CACNG8: variants seen among roughly 807,000 people sequenced by gnomAD.
CACNG8 encodes the protein voltage-dependent calcium channel gamma-8 subunit.
CACNG8 carries 5 observed loss-of-function variants against 26.9 expected under a neutral mutation model. That is an observed-to-expected ratio of 0.19 (90% confidence interval 0.10 to 0.39). CACNG8 has a LOEUF of 0.39. Ranked by LOEUF, CACNG8 falls within the 10% of genes least tolerant of loss-of-function variation. The pLI is 1.00. For synonymous variants in CACNG8, 321 were observed against 296.7 expected (o/e 1.08, Z -0.84); for missense variants, 473 against 609.4 (o/e 0.78, Z 2.36).
intron 1 of CACNG8, among the ~76,000 whole-genome samples, chr19:53,977,053 C>A (rs1161269587): frequency 1.4e-4 from 22 of 152,224 alleles, no homozygotes; most frequent in Admixed American, 1.4e-3. Context: ...ATCGGACTCC[C>A]ATGCCCTACC....
rs1305368809 is a variant in CACNG8, at chr19:53,982,722, T to C, written c.1151T>C (p.Val384Ala). ...GCGGGCGGCGGCGTCACGGTCACGG[T>C]CACCGGGCCGCCCGCCCCGCCCGCG... Residue 384 changes from valine (V) to alanine (A), a missense_variant, in exon 4 of 4, where the codon GTC becomes GCC. Val to Ala is a moderately conservative substitution (Grantham distance 64, BLOSUM62 0). This residue lies in a region of CACNG8 where 212 missense variants were observed against 214.4 expected (regional missense o/e 0.99). Coordinates refer to ENST00000270458, the MANE Select transcript of CACNG8 (RefSeq NM_031895.6). This position sits in a 1 kb window ranked among gnomAD's most constrained non-coding sequence, Gnocchi z 8.4. 1.1e-5 allele frequency: 13 copies of C among 1,174,264 alleles called. No individual in the cohort carries two copies. The highest frequency in any genetic ancestry group is 1.4e-5 in the Non-Finnish European group (13 of 957,118). 72.7% of individuals were successfully genotyped at this position (1,174,264 alleles called of 1,614,324 possible).
Position 53,987,087 on chromosome 19 carries a change from GAA to G in CACNG8, c.*4242_*4243del, listed in dbSNP as rs1157167416. On this transcript the variant is annotated 3_prime_UTR_variant, in exon 4 of 4. Transcript: ENST00000270458. ...TTATTTTCTTATTTATATTTATTTTGAAAAAGAGTCTTGCTCTGTCTCAGGCT... is the reference window on the plus strand; with the variant it reads ...TTATTTTCTTATTTATATTTATTTTGAAAGAGTCTTGCTCTGTCTCAGGCT... 6.6e-6 allele frequency: 1 copy of G among 152,116 alleles called. No individual in the cohort carries two copies. Among genetic ancestry groups the G allele is most frequent in the Non-Finnish European group, 1.5e-5 (1 of 68,024 alleles). 9.4% of individuals were successfully genotyped at this position (152,116 alleles called of 1,614,324 possible). A position where few individuals can be genotyped will look rare whatever the true frequency, so the allele number is the denominator to read the frequency against.
chr19:53,965,785 G>A (rs2069268813), intron 1 of CACNG8, among the ~76,000 whole-genome samples: 1 of 152,030 alleles, frequency 6.6e-6, no homozygotes, highest in Non-Finnish European at 1.5e-5. Flanking sequence ...AGTTGGGGGA[G>A]GGGATGGGAG....
Position 53,963,079 on chromosome 19 carries a change from C to A in CACNG8, c.-64C>A. On this transcript the variant is annotated 5_prime_UTR_variant, in exon 1 of 4. Transcript: ENST00000270458. ...GCGCTGTGAACCCCCCCCCAGCCGC[C>A]GGCACGGCCCCGCCCCCGCTGCCCC... The A allele has an allele frequency of 8.8e-7, 1 of 1,138,238 alleles. No individual in the cohort carries two copies. The highest frequency in any genetic ancestry group is 2.2e-5 in the South Asian group (1 of 44,712). The allele number at this position is 1,138,238 out of a possible 1,614,324, so 70.5% of individuals were successfully genotyped here.
chr19:53,980,803 GC>G (rs1183452996), intron 3 of CACNG8, among the ~76,000 whole-genome samples: 1 of 152,160 alleles, frequency 6.6e-6, no homozygotes, highest in African/African-American at 2.4e-5. Context: ...AAGGGGTAAG[GC>G]CCCCTTTCTA....
chr19:53,972,642 G>C (rs1271881333), intron 1 of CACNG8, among the ~76,000 whole-genome samples: 1 of 152,078 alleles, frequency 6.6e-6, no homozygotes, highest in African/African-American at 2.4e-5. Context: ...GATTACAGGC[G>C]TGAGCCACCG....
In CACNG8 at chr19:53,980,317, C is replaced by T. The variant is rs572580391; in HGVS notation, c.508+310C>T. On this transcript the variant is annotated intron_variant, in intron 3 of 3. Transcript: ENST00000270458. ...GATCCCAAGCCCGCCGTCCTGGAGA[C>T]GGAAGGGGAGGAGCTGGGGAGGGGG... 1.7e-4 allele frequency among the ~76,000 whole-genome samples: 25 copies of T among 151,310 alleles called. No individual in the cohort carries two copies. In the East Asian group the frequency reaches 5.0e-3, roughly 30 times the overall value.
chr19:53,981,995 G>A lies in CACNG8; in HGVS notation c.509-85G>A. 7 of 1,395,330 alleles carry A rather than the reference G, an allele frequency of 5.0e-6. No individual in the cohort carries two copies. The South Asian group carries it at 6.0e-5, about 12-fold the overall frequency. 86.4% of individuals were successfully genotyped at this position (1,395,330 alleles called of 1,614,324 possible). On this transcript the variant is annotated intron_variant, in intron 3 of 3. Coordinates refer to ENST00000270458, the MANE Select transcript of CACNG8 (RefSeq NM_031895.6). ...CCTGGGGGTGGCGCCTGGGCCCGCT[G>A]GCGCAGGCGGGCAGGGGTCGGGGCC... is the stretch of plus-strand genomic sequence containing the variant.
At chr19:53,973,757 T>C (rs1232917012) in intron 1 of CACNG8, among the ~76,000 whole-genome samples, 1 of 143,874 alleles carries the variant, frequency 7.0e-6, no homozygotes, top group East Asian at 2.1e-4. Flanking sequence ...ACCCAGGAGG[T>C]GGAAGTTGCA....
chr19:53,969,892 G>A (rs2069292184), intron 1 of CACNG8, among the ~76,000 whole-genome samples: 1 of 152,176 alleles, frequency 6.6e-6, no homozygotes, highest in African/African-American at 2.4e-5. Context: ...AGCACTTTGG[G>A]AAGCCGAGGC....
rs1443415701 is a variant in CACNG8, at chr19:53,982,750, C to A, written c.1179C>A (p.Pro393=). 8.3e-7 allele frequency: 1 copy of A among 1,207,524 alleles called. No homozygotes were observed. The highest frequency in any genetic ancestry group is 1.0e-6 in the Non-Finnish European group (1 of 977,354). 74.8% of individuals were successfully genotyped at this position (1,207,524 alleles called of 1,614,324 possible). A position where few individuals can be genotyped will look rare whatever the true frequency, so the allele number is the denominator to read the frequency against. ...CCGGGCCGCCCGCCCCGCCCGCGCC[C>A]GCGCCACCCGCGCCCTCTGCGCCCG... is the stretch of plus-strand genomic sequence containing the variant. The change falls in exon 4 of 4, where the codon CCC becomes CCA. Residue 393 remains proline (P), a synonymous_variant. Transcript: ENST00000270458. This position sits in a 1 kb window ranked among gnomAD's most constrained non-coding sequence, Gnocchi z 8.4.
In CACNG8 at chr19:53,968,791, AG is replaced by A. The variant is rs1568796880; in HGVS notation, c.283+5369del. 6.2e-4 allele frequency among the ~76,000 whole-genome samples: 88 copies of A among 143,022 alleles called. 2 individuals are homozygous for A. Among genetic ancestry groups the A allele is most frequent in the African/African-American group, 2.2e-3 (84 of 38,626 alleles). 93.8% of individuals were successfully genotyped at this position (143,022 alleles called of 152,430 possible). ...CTCAAAAAAAAAAAAAAAAAAAAAA[AG>A]GGAGGGAGGTGAGAAGTCACCAAAG... On this transcript the variant is annotated intron_variant, in intron 1 of 3. Coordinates refer to ENST00000270458, the MANE Select transcript of CACNG8 (RefSeq NM_031895.6).
In CACNG8 at chr19:53,963,489, C is replaced by T. The variant is rs1022725004; in HGVS notation, c.283+64C>T. 5.0e-6 allele frequency: 7 copies of T among 1,392,192 alleles called. No individual in the cohort carries two copies. The Admixed American group carries it at 1.2e-4, about 25-fold the overall frequency. The allele number at this position is 1,392,192 out of a possible 1,614,324, so 86.2% of individuals were successfully genotyped here. A position where few individuals can be genotyped will look rare whatever the true frequency, so the allele number is the denominator to read the frequency against. On this transcript the variant is annotated intron_variant, in intron 1 of 3. Transcript: ENST00000270458. Reference sequence around the variant, plus strand: ...CCCCTCCGAGAGACCCTGAGCCTCCCGGGGCTGCCTGTCCCTGATCCTGGG... The same window carrying T: ...CCCCTCCGAGAGACCCTGAGCCTCCTGGGGCTGCCTGTCCCTGATCCTGGG...
intron 1 of CACNG8, among the ~76,000 whole-genome samples, chr19:53,972,922 C>A (rs2069311022): frequency 6.6e-6 from 1 of 152,188 alleles, no homozygotes; most frequent in Admixed American, 6.6e-5. Flanking sequence ...CTCTCCCCAT[C>A]ACTCACCCCC....
intron 3 of CACNG8, among the ~76,000 whole-genome samples, chr19:53,980,564 TC>T (rs2069360516): frequency 1.3e-5 from 2 of 151,944 alleles, no homozygotes; most frequent in Admixed American, 1.3e-4. Flanking sequence ...GGAGACTGAA[TC>T]GGCCCTTGCC....
intron 1 of CACNG8, among the ~76,000 whole-genome samples, chr19:53,965,733 C>T (rs919278857): frequency 1.3e-5 from 2 of 149,268 alleles, no homozygotes; most frequent in Non-Finnish European, 3.0e-5. Flanking sequence ...TAAAGTCAAC[C>T]TTTAGGGTGT....
intron 1 of CACNG8, among the ~76,000 whole-genome samples, chr19:53,976,998 C>T (rs558949095): frequency 1.3e-5 from 2 of 152,200 alleles, no homozygotes; most frequent in Non-Finnish European, 2.9e-5. Context: ...TGAGGTCTCC[C>T]GTGTGCCAGG....
rs949498268 is a variant in CACNG8, at chr19:53,982,987, C to G, written c.*138C>G. 3.0e-5 allele frequency: 13 copies of G among 434,096 alleles called. No homozygotes were observed. The highest frequency in any genetic ancestry group is 2.5e-4 in the African/African-American group (12 of 47,258). 26.9% of individuals were successfully genotyped at this position (434,096 alleles called of 1,614,324 possible). On this transcript the variant is annotated 3_prime_UTR_variant, in exon 4 of 4. Transcript: ENST00000270458. This position sits in a 1 kb window ranked among gnomAD's most constrained non-coding sequence, Gnocchi z 8.4. ...CTGCTGGGCCCGCCCCACGCCCACCCTCCCCGCCCCCCTCCCCCTCCGAAG... is the reference window on the plus strand; with the variant it reads ...CTGCTGGGCCCGCCCCACGCCCACCGTCCCCGCCCCCCTCCCCCTCCGAAG...
intron 1 of CACNG8, among the ~76,000 whole-genome samples, chr19:53,972,356 C>CTT (rs2069307455): frequency 1.9e-5 from 2 of 104,232 alleles, no homozygotes; most frequent in Non-Finnish European, 3.9e-5. Flanking sequence ...CTCTTTTCTT[C>CTT]TTTTCTTTTT....
Sources: gnomAD v4.1 joint callset for allele counts (sites outside exome capture counted in the v4.1 genomes callset) on GRCh38, gnomAD v4.1.1 for gene constraint, gnomAD v4.1.1 regional missense constraint, Gnocchi (gnomAD v3.1) non-coding constraint, MANE v1.5 for transcripts, NCBI Gene and HGNC (gene_info 2026-07-23, HGNC 2026-07-21) for gene names.